Variants in ERG observed in about 807,000 individuals in gnomAD.
The protein encoded by ERG is ETS transcription factor ERG, also known as transcriptional regulator ERG.
ERG carries 9 observed loss-of-function variants against 55.3 expected under a neutral mutation model. The ratio of observed to expected loss-of-function variants is 0.16; its 90% CI spans 0.10 to 0.28. The LOEUF is 0.28. ERG is among the 10% of genes least tolerant of loss of function. The pLI, the probability that ERG is intolerant of heterozygous loss-of-function variation, is 1.00. For missense variants in ERG, 434 were observed against 631.6 expected, an observed-to-expected ratio of 0.69 and a Z score of 3.35; for synonymous variants, 223 against 237.3, an observed-to-expected ratio of 0.94 and a Z score of 0.55.
intron 1 of ERG, among the ~76,000 whole-genome samples, chr21:38,453,947 G>A (rs2058964873): frequency 6.7e-6 from 1 of 149,048 alleles, no homozygotes; most frequent in Non-Finnish European, 1.5e-5. Context: ...TTCCTTCTTT[G>A]GAGATGAGCA....
At chr21:38,385,988 G>A (rs1009244427) in intron 9 of ERG, among the ~76,000 whole-genome samples, 5 of 152,138 alleles carry the variant, frequency 3.3e-5, no homozygotes, top group African/African-American at 9.7e-5. Flanking sequence ...CAGACCTGCC[G>A]AAATCACACT....
Position 38,382,537 on chromosome 21 carries a change from T to C in ERG, c.*866A>G. On this transcript the variant is annotated 3_prime_UTR_variant, in exon 10 of 10. Transcript: ENST00000288319. The stretch of plus-strand genomic sequence containing the variant: ...CCTTTCTCCATTACGCTGTGTCCTT[T>C]CTCCTAACACTGGGTTTGGTATAAC... 1 of 1,065,842 alleles carries C rather than the reference T, an allele frequency of 9.4e-7. No homozygotes were observed. Among genetic ancestry groups the C allele is most frequent in the South Asian group, 4.6e-5 (1 of 21,978 alleles). The allele number at this position is 1,065,842 out of a possible 1,614,324, so 66.0% of individuals were successfully genotyped here.
chr21:38,591,943 T>C lies in ERG; in HGVS notation c.-149-6998A>G, dbSNP rs567666540. 2.1e-4 allele frequency among the ~76,000 whole-genome samples: 32 copies of C among 152,272 alleles called. No individual in the cohort carries two copies. The South Asian group carries it at 3.3e-3, about 16-fold the overall frequency. The stretch of plus-strand genomic sequence containing the variant: ...AAAGCAGGTATGTTTATAGACAGGA[T>C]AAAGGGAGCCAGTGGAGTAGAGGAG... On this transcript the variant is annotated intron_variant, in intron 1 of 10. Coordinates refer to the ERG transcript ENST00000398910.
At chr21:38,456,684 A>G (rs761407799) in intron 1 of ERG, among the ~76,000 whole-genome samples, 38 of 152,210 alleles carry the variant, frequency 2.5e-4, no homozygotes, top group Admixed American at 4.6e-4. Flanking sequence ...TTACGTAGAA[A>G]GAGTTAGTCT....
intron 6 of ERG, among the ~76,000 whole-genome samples, chr21:38,398,531 TC>T (rs1400741195): frequency 6.6e-6 from 1 of 152,134 alleles, no homozygotes; most frequent in African/African-American, 2.4e-5. Context: ...CTCTCCCAGG[TC>T]ACGCTCAAAT....
chr21:38,571,015 T>C (rs938702330), intron 2 of ERG, among the ~76,000 whole-genome samples: 1 of 152,224 alleles, frequency 6.6e-6, no homozygotes, highest in Non-Finnish European at 1.5e-5. Context: ...ATCATGTGAA[T>C]TTAAAAATGC....
intron 1 of ERG, among the ~76,000 whole-genome samples, chr21:38,598,494 C>G (rs985662612): frequency 8.5e-5 from 13 of 152,322 alleles, no homozygotes; most frequent in Middle Eastern, 3.4e-3. Context: ...AGGCACAGCA[C>G]TAATGTATCA....
chr21:38,633,259 T>C lies in ERG; in HGVS notation c.-150+28399A>G, dbSNP rs964366555. On this transcript the variant is annotated intron_variant, in intron 1 of 10. Transcript: ENST00000398910. The stretch of plus-strand genomic sequence containing the variant: ...GAGGGGAGTTATTGTTTGCTGAGTG[T>C]AGAGTTTCAGATTTGCAAGATGGAA... Among the ~76,000 whole-genome samples, 7 of 152,336 alleles carry C rather than the reference T, an allele frequency of 4.6e-5. No homozygotes were observed. In the South Asian group the frequency reaches 1.2e-3, roughly 27 times the overall value.
In ERG at chr21:38,383,877, C is replaced by T. The variant is rs773772534; in HGVS notation, c.966G>A (p.Ser322=). The part of the protein sequence containing the change: ...QLWQFLLELL[S]DSSNSSCITW... ...TGATGCAGCTGGAGTTGGAGCTGTC[C>T]GACAGGAGCTCCAGGAGGAACTGCC... Residue 322 remains serine (S), a synonymous_variant, in exon 10 of 10, where the codon TCG becomes TCA. Coordinates refer to ENST00000288319, the MANE Select transcript of ERG (RefSeq NM_182918.4). This position sits in a 1 kb window ranked among gnomAD's most constrained non-coding sequence, Gnocchi z 5.7. 1.2e-6 allele frequency: 2 copies of T among 1,613,806 alleles called. No individual in the cohort carries two copies. The highest frequency in any genetic ancestry group is 2.2e-5 in the East Asian group (1 of 44,872).
At chr21:38,489,699 C>A (rs1198694961) in intron 1 of ERG, among the ~76,000 whole-genome samples, 1 of 152,234 alleles carries the variant, frequency 6.6e-6, no homozygotes, top group Non-Finnish European at 1.5e-5. Context: ...TGACTTTTGC[C>A]TGGCGTAGGC....
intron 1 of ERG, among the ~76,000 whole-genome samples, chr21:38,638,351 C>G (rs2060403185): frequency 6.6e-6 from 1 of 152,242 alleles, no homozygotes; most frequent in South Asian, 2.1e-4. Context: ...CATCTTATCA[C>G]TTTGCGTGCA....
the ERG span, among the ~76,000 whole-genome samples, chr21:38,373,964 T>C: frequency 2.0e-5 from 3 of 152,240 alleles, no homozygotes; most frequent in Admixed American, 2.0e-4. Context: ...TCCTCAAATA[T>C]GCTTTTACAT....
chr21:38,544,672 GA>G (rs1381605705), intron 2 of ERG, among the ~76,000 whole-genome samples: 1 of 152,048 alleles, frequency 6.6e-6, no homozygotes, highest in Non-Finnish European at 1.5e-5. Flanking sequence ...CCAACATGAT[GA>G]AAATGATTAT....
At chr21:38,643,705 C>A (rs887804315) in intron 1 of ERG, among the ~76,000 whole-genome samples, 1 of 152,166 alleles carries the variant, frequency 6.6e-6, no homozygotes, top group Non-Finnish European at 1.5e-5. Context: ...CTGTCTGTTG[C>A]CATTTTCAGG....
At chr21:38,626,993 T>C (rs2060328625) in intron 1 of ERG, among the ~76,000 whole-genome samples, 1 of 152,004 alleles carries the variant, frequency 6.6e-6, no homozygotes, top group Non-Finnish European at 1.5e-5. Flanking sequence ...GATAGCAAAG[T>C]GCTAAAAACA....
Position 38,383,538 on chromosome 21 carries a change from A to G in ERG, c.1305T>C (p.Pro435=), listed in dbSNP as rs773599555. The change falls in exon 10 of 10, where the codon CCT becomes CCC. Residue 435 remains proline (P), a synonymous_variant. Coordinates refer to ENST00000288319, the MANE Select transcript of ERG (RefSeq NM_182918.4). This position sits in a 1 kb window ranked among gnomAD's most constrained non-coding sequence, Gnocchi z 5.7. ...PQKMNFVAPH[P]PALPVTSSSF... is the part of the protein sequence containing the mutation. The stretch of plus-strand genomic sequence containing the variant: ...TGGAAGATGTCACGGGGAGGGCTGG[A>G]GGGTGGGGCGCCACAAAGTTCATCT... 9.1e-5 allele frequency: 143 copies of G among 1,578,188 alleles called. No individual in the cohort carries two copies. The highest frequency in any genetic ancestry group is 1.2e-4 in the Non-Finnish European group (136 of 1,158,928).
At chr21:38,469,223 T>G (rs1047378759) in intron 1 of ERG, among the ~76,000 whole-genome samples, 1 of 152,130 alleles carries the variant, frequency 6.6e-6, no homozygotes, top group Non-Finnish European at 1.5e-5. Context: ...GGCATGCTTG[T>G]TTTTAATGCC....
At chr21:38,640,851 T>C (rs1417981955) in intron 1 of ERG, among the ~76,000 whole-genome samples, 1 of 152,206 alleles carries the variant, frequency 6.6e-6, no homozygotes, top group African/African-American at 2.4e-5. Flanking sequence ...GGACAGCAGT[T>C]ACCTCTAGGA....
At chr21:38,648,013 T>G (rs1398851233) in intron 1 of ERG, among the ~76,000 whole-genome samples, 1 of 152,256 alleles carries the variant, frequency 6.6e-6, no homozygotes, top group Non-Finnish European at 1.5e-5. Context: ...TATTTCATGT[T>G]AAGTGTCCAA....
Sources: gnomAD v4.1 joint callset for allele counts (sites outside exome capture counted in the v4.1 genomes callset) on GRCh38, gnomAD v4.1.1 for gene constraint, Gnocchi (gnomAD v3.1) non-coding constraint, MANE v1.5 for transcripts, NCBI Gene and HGNC (gene_info 2026-07-23, HGNC 2026-07-21) for gene names.